Variants in SHANK2 observed in about 807,000 individuals in gnomAD.
SHANK2 encodes the protein SH3 and multiple ankyrin repeat domains protein 2.
SHANK2 carries 43 observed loss-of-function variants against 133.7 expected under a neutral mutation model. The ratio of observed to expected loss-of-function variants is 0.32; its 90% CI spans 0.25 to 0.41. The LOEUF (loss-of-function observed/expected upper bound fraction) is 0.41, where lower values mean the gene tolerates loss of function less well. SHANK2 is among the 10% of genes least tolerant of loss of function. The pLI, the probability that SHANK2 is intolerant of heterozygous loss-of-function variation, is 1.00. For missense variants in SHANK2, 1,994 were observed against 2,235.8 expected (o/e 0.89, Z 2.18); for synonymous variants, 1,017 against 952.8 (o/e 1.07, Z -1.24).
chr11:70,910,899 C>CGTGTGT (rs374516514), intron 10 of SHANK2: 2 of 428,860 alleles, frequency 4.7e-6, no homozygotes, highest in South Asian at 1.6e-5. Flanking sequence ...CTTGGTGGTG[C>CGTGTGT]GTGTGTGTGT....
intron 15 of SHANK2, among the ~76,000 whole-genome samples, 195 bp downstream of exon 15, chr11:70,698,493 C>T (rs1945447310): frequency 6.6e-6 from 1 of 152,340 alleles, no homozygotes; most frequent in South Asian, 2.1e-4. Context: ...GGACACAAAC[C>T]AAAGGTGGCA....
intron 2 of SHANK2, among the ~76,000 whole-genome samples, chr11:71,159,527 G>T (rs1952968079): frequency 6.6e-6 from 1 of 152,084 alleles, no homozygotes; most frequent in Admixed American, 6.5e-5. Flanking sequence ...TATCTTTGGG[G>T]GCCATTAATT....
intron 17 of SHANK2, among the ~76,000 whole-genome samples, chr11:70,605,674 CGAGGAA>C (rs1565172438): frequency 3.3e-5 from 5 of 152,150 alleles, no homozygotes; most frequent in Non-Finnish European, 7.3e-5. Flanking sequence ...CGGAGGGGGA[CGAGGAA>C]CGCAGAGCTC....
upstream of SHANK2, among the ~76,000 whole-genome samples, chr11:71,253,094 G>C (rs908617890): frequency 1.3e-5 from 2 of 152,334 alleles, no homozygotes; most frequent in South Asian, 2.1e-4. Flanking sequence ...CTTCCGCCCA[G>C]GGGTGCACAA....
chr11:71,191,110 G>A (rs1953783795), intron 2 of SHANK2, among the ~76,000 whole-genome samples: 1 of 151,936 alleles, frequency 6.6e-6, no homozygotes, highest in African/African-American at 2.4e-5. Context: ...GGTCAAGGCT[G>A]CAGTAAGCCA....
At chr11:71,219,342 G>T (rs1555120656) in intron 2 of SHANK2, among the ~76,000 whole-genome samples, 1 of 152,182 alleles carries the variant, frequency 6.6e-6, no homozygotes, top group African/African-American at 2.4e-5. Flanking sequence ...AGAGAACCCA[G>T]ATTGTCAGGA....
intron 15 of SHANK2, among the ~76,000 whole-genome samples, chr11:70,682,824 C>G (rs572942206): frequency 3.9e-5 from 6 of 152,248 alleles, no homozygotes; most frequent in African/African-American, 9.6e-5. Flanking sequence ...AATGAAAAGA[C>G]AAAACGCAAG....
intron 1 of SHANK2, among the ~76,000 whole-genome samples, chr11:71,246,059 A>C (rs888231553): frequency 6.6e-6 from 1 of 151,918 alleles, no homozygotes; most frequent in Non-Finnish European, 1.5e-5. Context: ...CCACAGAAGC[A>C]TCCCCCTCCA....
chr11:71,231,611 G>A (rs532661816), intron 1 of SHANK2, among the ~76,000 whole-genome samples: 1 of 152,224 alleles, frequency 6.6e-6, no homozygotes, highest in African/African-American at 2.4e-5. Flanking sequence ...TTACGGGCCA[G>A]GTGCAGTGGC....
intron 2 of SHANK2, among the ~76,000 whole-genome samples, chr11:71,209,260 G>A (rs1954198525): frequency 6.6e-6 from 1 of 152,194 alleles, no homozygotes; most frequent in African/African-American, 2.4e-5. Context: ...ACAGGGCCTT[G>A]CAAGGACTGT....
chr11:70,795,097 T>C (rs1428887767), intron 14 of SHANK2, among the ~76,000 whole-genome samples: 1 of 152,186 alleles, frequency 6.6e-6, no homozygotes, highest in Non-Finnish European at 1.5e-5. Context: ...TCCTCTGTGC[T>C]GTGATCTTGG....
chr11:70,676,865 T>C (rs1412628177), intron 15 of SHANK2, among the ~76,000 whole-genome samples: 2 of 152,108 alleles, frequency 1.3e-5, no homozygotes, highest in Non-Finnish European at 2.9e-5. Context: ...TATTCAACTG[T>C]CCAGAGAAGA....
intron 21 of SHANK2, among the ~76,000 whole-genome samples, chr11:70,492,798 T>G (rs1235614009): frequency 7.0e-6 from 1 of 142,118 alleles, no homozygotes; most frequent in Non-Finnish European, 1.5e-5. Context: ...TTTTTTTTTT[T>G]TTTTTTTTTT....
At chr11:70,616,205 C>T (rs782498886) in intron 17 of SHANK2, among the ~76,000 whole-genome samples, 2 of 152,178 alleles carry the variant, frequency 1.3e-5, no homozygotes, top group African/African-American at 2.4e-5. Context: ...TGCAACTGAA[C>T]GGACCCCACG....
intron 1 of SHANK2, among the ~76,000 whole-genome samples, chr11:71,238,492 C>G (rs554415136): frequency 6.6e-6 from 1 of 152,364 alleles, no homozygotes; most frequent in Non-Finnish European, 1.5e-5. Flanking sequence ...CAAGGTCACA[C>G]AGCAACACAG....
intron 17 of SHANK2, among the ~76,000 whole-genome samples, chr11:70,539,775 G>A (rs925656765): frequency 6.6e-6 from 1 of 152,134 alleles, no homozygotes; most frequent in African/African-American, 2.4e-5. Context: ...TTCTCTCCCG[G>A]GGGGGCCGTA....
intron 2 of SHANK2, among the ~76,000 whole-genome samples, chr11:71,193,427 G>A (rs1253592828): frequency 2.6e-5 from 4 of 152,216 alleles, no homozygotes; most frequent in Admixed American, 2.6e-4. Context: ...CAGCAGAGCT[G>A]TTCCATATCC....
At chr11:71,214,010 G>A (rs1555119270) in intron 2 of SHANK2, among the ~76,000 whole-genome samples, 4 of 151,856 alleles carry the variant, frequency 2.6e-5, no homozygotes, top group East Asian at 1.9e-4. Context: ...GCCCTAACGC[G>A]CCCCAGGACC....
At chr11:71,108,701 C>T (rs1236328491) in intron 6 of SHANK2, among the ~76,000 whole-genome samples, 1 of 152,212 alleles carries the variant, frequency 6.6e-6, no homozygotes, top group African/African-American at 2.4e-5. Flanking sequence ...TAGCCAGGCA[C>T]TCACCTTCCT....
Sources: allele counts gnomAD v4.1 joint callset (sites outside exome capture counted in the v4.1 genomes callset), GRCh38; gene constraint gnomAD v4.1.1; transcripts MANE v1.5; gene names NCBI Gene and HGNC (gene_info 2026-07-23, HGNC 2026-07-21).